The following NELL1 variants were observed in gnomAD, a reference collection of about 807,000 sequenced individuals.
The protein encoded by NELL1 is protein kinase C-binding protein NELL1.
Under a neutral mutation model 107.4 loss-of-function variants are expected in NELL1, and 76 were observed. The ratio of observed to expected loss-of-function variants is 0.71; its 90% CI spans 0.59 to 0.86. The LOEUF is 0.86. NELL1 is among the 40% of genes least tolerant of loss of function. NELL1 has a pLI of 0.00. For missense variants in NELL1, 1,024 were observed against 1,005.5 expected (o/e 1.02, Z -0.25); for synonymous variants, 353 against 341.2 (o/e 1.03, Z -0.38).
At chr11:20,776,766 G>A (rs1408288147) in intron 2 of NELL1, among the ~76,000 whole-genome samples, 1 of 152,132 alleles carries the variant, frequency 6.6e-6, no homozygotes, top group Non-Finnish European at 1.5e-5. Flanking sequence ...AGTGTGGGCT[G>A]TGGGGGAGAG....
At chr11:21,161,995 G>A (rs1321012859) in intron 13 of NELL1, among the ~76,000 whole-genome samples, 1 of 118,780 alleles carries the variant, frequency 8.4e-6, no homozygotes, top group African/African-American at 3.3e-5. Context: ...CTGTTGCCCA[G>A]GCTGGAGTGC....
chr11:21,217,663 C>G (rs1857648669), intron 13 of NELL1, among the ~76,000 whole-genome samples: 6 of 152,164 alleles, frequency 3.9e-5, no homozygotes, highest in Admixed American at 3.9e-4. Context: ...ATTTCTTCAT[C>G]TATAAAATGT....
chr11:21,269,703 G>A lies in NELL1; in HGVS notation c.1549+40249G>A, dbSNP rs190269435. 8.5e-4 allele frequency among the ~76,000 whole-genome samples: 130 copies of A among 152,062 alleles called. 2 individuals are homozygous for A. Among genetic ancestry groups the A allele is most frequent in the Non-Finnish European group, 1.1e-3 (73 of 67,962 alleles). On this transcript the variant is annotated intron_variant, in intron 14 of 19. Transcript: ENST00000357134. Reference sequence around the variant, plus strand: ...AAATGTTGAAGGTCTTCATAGAAGAGGAAAATCATATAGTTCAAATCATGG... The same window carrying A: ...AAATGTTGAAGGTCTTCATAGAAGAAGAAAATCATATAGTTCAAATCATGG...
At chr11:21,455,265 A>G (rs2133864002) in intron 15 of NELL1, among the ~76,000 whole-genome samples, 1 of 146,796 alleles carries the variant, frequency 6.8e-6, no homozygotes, top group Admixed American at 6.8e-5. Flanking sequence ...ATCACATTTT[A>G]CATAATGTGA....
intron 13 of NELL1, among the ~76,000 whole-genome samples, chr11:21,176,103 A>G (rs925652050): frequency 1.3e-5 from 2 of 151,812 alleles, no homozygotes; most frequent in African/African-American, 2.4e-5. Context: ...GGATTTCTTC[A>G]TCTTCTTCAT....
chr11:21,279,517 G>A (rs1476896931), intron 14 of NELL1, among the ~76,000 whole-genome samples: 1 of 152,148 alleles, frequency 6.6e-6, no homozygotes, highest in Non-Finnish European at 1.5e-5. Context: ...AACATTTTAT[G>A]TTATTAAGGA....
Position 21,094,742 on chromosome 11 carries a change from T to C in NELL1, c.1301-18847T>C, listed in dbSNP as rs544379662. ...TCTTTCATCGGTGGCTGAAGAAGGCTGGGACACAGGTCACCAAGTCCCTAG... is the reference window on the plus strand; with the variant it reads ...TCTTTCATCGGTGGCTGAAGAAGGCCGGGACACAGGTCACCAAGTCCCTAG... On this transcript the variant is annotated intron_variant, in intron 12 of 19. Coordinates refer to ENST00000357134, the MANE Select transcript of NELL1 (RefSeq NM_006157.5). Among the ~76,000 whole-genome samples the C allele has an allele frequency of 2.6e-5, 4 of 152,298 alleles. No individual in the cohort carries two copies. In the South Asian group the frequency reaches 8.3e-4, roughly 32 times the overall value.
intron 13 of NELL1, among the ~76,000 whole-genome samples, chr11:21,224,966 G>T (rs1857855422): frequency 6.6e-6 from 1 of 152,056 alleles, no homozygotes; most frequent in Non-Finnish European, 1.5e-5. Context: ...GACTTCATTT[G>T]CTTTTGTGTG....
chr11:21,473,460 T>C (rs1398508522), intron 15 of NELL1, among the ~76,000 whole-genome samples: 3 of 152,118 alleles, frequency 2.0e-5, no homozygotes, highest in African/African-American at 7.2e-5. Flanking sequence ...TTATATTATT[T>C]CATTCATTTA....
At chr11:21,468,199 C>T (rs1435652624) in intron 15 of NELL1, among the ~76,000 whole-genome samples, 1 of 151,896 alleles carries the variant, frequency 6.6e-6, no homozygotes, top group African/African-American at 2.4e-5. Flanking sequence ...AATGGTCTGG[C>T]CATGTTGAAA....
chr11:21,547,802 T>G (rs1222878101), intron 16 of NELL1, among the ~76,000 whole-genome samples: 2 of 151,898 alleles, frequency 1.3e-5, no homozygotes, highest in African/African-American at 4.8e-5. Context: ...CCTTCAAGTT[T>G]GGTATGACTT....
At chr11:21,514,656 C>CT (rs58147929) in intron 15 of NELL1, among the ~76,000 whole-genome samples, 41,529 of 152,028 alleles carry the variant, frequency 0.27, 5,696 homozygotes, top group East Asian at 0.36. Flanking sequence ...AAATATAGCT[C>CT]CCCTGTGCCA....
chr11:21,122,425 T>C (rs528203780), intron 13 of NELL1, among the ~76,000 whole-genome samples: 4 of 152,228 alleles, frequency 2.6e-5, no homozygotes, highest in Non-Finnish European at 5.9e-5. Flanking sequence ...TTTTATCTTA[T>C]ATTCTTTATT....
At chr11:20,852,706 T>C (rs1401243855) in intron 4 of NELL1, among the ~76,000 whole-genome samples, 1 of 152,210 alleles carries the variant, frequency 6.6e-6, no homozygotes, top group East Asian at 1.9e-4. Context: ...GTTCTCCAAC[T>C]GATATGTTCT....
chr11:20,809,981 T>C (rs558031534), intron 3 of NELL1, among the ~76,000 whole-genome samples: 2 of 152,316 alleles, frequency 1.3e-5, no homozygotes, highest in Non-Finnish European at 2.9e-5. Context: ...TTCCCACCAG[T>C]AGTGTGTGAG....
intron 1 of NELL1, chr11:20,674,362 C>A: frequency 1.4e-6 from 1 of 698,134 alleles, no homozygotes; most frequent in Non-Finnish European, 2.4e-6. Flanking sequence ...CCCAGCTGGG[C>A]ACCACCTATG....
intron 12 of NELL1, among the ~76,000 whole-genome samples, chr11:21,057,124 A>C (rs866188921): frequency 1.3e-4 from 20 of 152,248 alleles, no homozygotes; most frequent in African/African-American, 4.8e-4. Flanking sequence ...AACTTTGTCA[A>C]ATCAATAAGA....
intron 15 of NELL1, among the ~76,000 whole-genome samples, chr11:21,433,620 GTGA>G (rs1480291288): frequency 3.9e-5 from 6 of 151,972 alleles, no homozygotes; most frequent in South Asian, 2.1e-4. Context: ...TTTTATTTTG[GTGA>G]TGATTAGTGA....
chr11:21,056,605 G>A (rs1486327375), intron 12 of NELL1, among the ~76,000 whole-genome samples: 5 of 152,116 alleles, frequency 3.3e-5, no homozygotes, highest in Non-Finnish European at 7.4e-5. Flanking sequence ...ATTCATTTGA[G>A]ACACATGTTT....
Sources: allele counts gnomAD v4.1 joint callset (sites outside exome capture counted in the v4.1 genomes callset), GRCh38; gene constraint gnomAD v4.1.1; transcripts MANE v1.5; gene names NCBI Gene and HGNC (gene_info 2026-07-23, HGNC 2026-07-21).